Variants in MMP16 observed in about 807,000 individuals in gnomAD.
MMP16 encodes matrix metallopeptidase 16, also known as matrix metalloproteinase-16.
Under a neutral mutation model 67.8 loss-of-function variants are expected in MMP16, and 12 were observed. The observed-to-expected ratio is 0.18, with a 90% confidence interval of 0.11 to 0.29. The LOEUF (loss-of-function observed/expected upper bound fraction) is 0.29. MMP16 is among the 10% of genes least tolerant of loss of function. MMP16 has a pLI of 1.00. For synonymous variants in MMP16, 249 were observed against 255.9 expected, an observed-to-expected ratio of 0.97 and a Z score of 0.26; for missense variants, 475 against 765.7, an observed-to-expected ratio of 0.62 and a Z score of 4.48.
At position 88,300,422 on chromosome 8, in the gene MMP16, C is replaced by G. The variant is rs28986486; in HGVS notation, c.132+26653G>C. On this transcript the variant is annotated intron_variant, in intron 1 of 9. Coordinates refer to ENST00000286614, the MANE Select transcript of MMP16 (RefSeq NM_005941.5). The stretch of plus-strand genomic sequence containing the variant: ...ACAGCATGATGAAATCTCACGCCAT[C>G]CCACTCCATCAGCCCTGGACGTGAA... Among the ~76,000 whole-genome samples the G allele has an allele frequency of 2.2e-4, 34 of 152,300 alleles. 1 individual carries two copies. Among genetic ancestry groups the G allele is most frequent in the African/African-American group, 8.2e-4 (34 of 41,558 alleles).
chr8:88,313,861 A>G (rs1275758675), intron 1 of MMP16, among the ~76,000 whole-genome samples: 1 of 152,180 alleles, frequency 6.6e-6, no homozygotes, highest in African/African-American at 2.4e-5. Flanking sequence ...GAGCTTGTGC[A>G]GAGAAACTCC....
chr8:88,218,976 C>T (rs1236197906), intron 1 of MMP16, among the ~76,000 whole-genome samples: 1 of 152,012 alleles, frequency 6.6e-6, no homozygotes, highest in Admixed American at 6.6e-5. Context: ...GTCAACCATA[C>T]ACAAGGATCT....
rs534608996 is a variant in MMP16 at position 88,060,383 on chromosome 8, A to T, written c.1223-4105T>A. On this transcript the variant is annotated intron_variant, in intron 7 of 9. Coordinates refer to ENST00000286614, the MANE Select transcript of MMP16 (RefSeq NM_005941.5). ...TCTCCTTTTTATCTATCCTCCACAA[A>T]GTCAAGAAAGGGATTTCTTGAAAAT... Among the ~76,000 whole-genome samples, 27 of 152,140 alleles carry T rather than the reference A, an allele frequency of 1.8e-4. No homozygotes were observed. In the South Asian group the frequency reaches 5.4e-3, roughly 30 times the overall value.
At chr8:88,247,356 T>G (rs995699754) in intron 1 of MMP16, among the ~76,000 whole-genome samples, 3 of 152,162 alleles carry the variant, frequency 2.0e-5, no homozygotes, top group Non-Finnish European at 2.9e-5. Flanking sequence ...TGTAACTCTT[T>G]AAATAATACA....
Position 88,327,138 on chromosome 8 carries a change from C to G in MMP16, c.69G>C (p.Leu23Phe), listed in dbSNP as rs1272332781. The G allele has an allele frequency of 1.9e-6, 3 of 1,613,910 alleles. No individual in the cohort carries two copies. Among genetic ancestry groups the G allele is most frequent in the Non-Finnish European group, 2.5e-6 (3 of 1,179,988 alleles). ...DFVHHSGVFF[L>F]QTLLWILCAT... ...CACATAAAATCCAAAGCAAGGTTTG[C>G]AAGAAAAACACCCCCGAATGATGCA... The change falls in exon 1 of 10, where the codon TTG becomes TTC. Residue 23 changes from leucine to phenylalanine, a missense_variant. Leu to Phe is a conservative substitution (Grantham distance 22). This residue lies in a region of MMP16 where 170 missense variants were observed against 239.6 expected (regional missense o/e 0.71). Coordinates refer to ENST00000286614, the MANE Select transcript of MMP16 (RefSeq NM_005941.5).
intron 3 of MMP16, among the ~76,000 whole-genome samples, chr8:88,170,941 A>G (rs1808789807): frequency 6.6e-6 from 1 of 152,180 alleles, no homozygotes. Flanking sequence ...AGCCATGGAG[A>G]TATGAAGAAT....
At chr8:88,088,646 A>T (rs1808883814) in intron 6 of MMP16, among the ~76,000 whole-genome samples, 2 of 152,112 alleles carry the variant, frequency 1.3e-5, no homozygotes, top group African/African-American at 4.8e-5. Context: ...CTTTATGCTA[A>T]TATGCTCTTG....
At chr8:88,087,561 C>A (rs1032350738) in intron 6 of MMP16, among the ~76,000 whole-genome samples, 1 of 151,778 alleles carries the variant, frequency 6.6e-6, no homozygotes, top group Non-Finnish European at 1.5e-5. Flanking sequence ...CAGACATGTT[C>A]TTTCTCACCA....
intron 1 of MMP16, among the ~76,000 whole-genome samples, chr8:88,268,003 T>C (rs1429102325): frequency 6.6e-6 from 1 of 152,164 alleles, no homozygotes; most frequent in Non-Finnish European, 1.5e-5. Flanking sequence ...AAATAGAAGA[T>C]CCTACCAACT....
intron 4 of MMP16, among the ~76,000 whole-genome samples, chr8:88,164,248 A>T (rs1225811584): frequency 6.6e-6 from 1 of 152,110 alleles, no homozygotes; most frequent in Non-Finnish European, 1.5e-5. Flanking sequence ...AGCTCTGAAT[A>T]GAAGAGAAAG....
At chr8:88,115,150 G>A (rs1203040870) in intron 6 of MMP16, among the ~76,000 whole-genome samples, 1 of 151,964 alleles carries the variant, frequency 6.6e-6, no homozygotes, top group African/African-American at 2.4e-5. Flanking sequence ...TATTATTATG[G>A]TATCAAGGTA....
chr8:88,141,919 G>GTTTT (rs200516354), intron 4 of MMP16, among the ~76,000 whole-genome samples: 1 of 145,150 alleles, frequency 6.9e-6, no homozygotes, highest in Non-Finnish European at 1.5e-5. Flanking sequence ...ACATAAATAT[G>GTTTT]TTTTTTTTTT....
At chr8:88,128,208 C>T (rs761043408) in intron 4 of MMP16, among the ~76,000 whole-genome samples, 14 of 151,716 alleles carry the variant, frequency 9.2e-5, no homozygotes, top group Non-Finnish European at 1.8e-4. Context: ...GAATAATTAG[C>T]AAAACAATTA....
chr8:88,199,416 G>T (rs1809306024), intron 1 of MMP16, among the ~76,000 whole-genome samples: 1 of 151,840 alleles, frequency 6.6e-6, no homozygotes, highest in African/African-American at 2.4e-5. Context: ...CTGAAGAGTG[G>T]ATCATTATTT....
chr8:88,049,304 T>G (rs376873031), intron 8 of MMP16, among the ~76,000 whole-genome samples: 1 of 152,336 alleles, frequency 6.6e-6, no homozygotes, highest in East Asian at 1.9e-4. Context: ...ATGGAAACAT[T>G]TACTTTTAAA....
intron 4 of MMP16, among the ~76,000 whole-genome samples, chr8:88,158,365 T>C (rs1586180829): frequency 6.6e-6 from 1 of 152,226 alleles, no homozygotes; most frequent in African/African-American, 2.4e-5. Flanking sequence ...ATCGCCATTT[T>C]AAGTGGTGTG....
At chr8:88,131,860 T>C (rs1808036427) in intron 4 of MMP16, among the ~76,000 whole-genome samples, 1 of 151,888 alleles carries the variant, frequency 6.6e-6, no homozygotes, top group Admixed American at 6.6e-5. Flanking sequence ...TCTCTCATTG[T>C]TGAAAGTTTT....
intron 4 of MMP16, among the ~76,000 whole-genome samples, chr8:88,120,878 C>T (rs919309840): frequency 6.6e-6 from 1 of 151,902 alleles, no homozygotes; most frequent in South Asian, 2.1e-4. Flanking sequence ...ACTTCATCCC[C>T]TCCTCCTTGC....
chr8:88,264,143 CA>C (rs941887743), intron 1 of MMP16, among the ~76,000 whole-genome samples: 1 of 150,584 alleles, frequency 6.6e-6, no homozygotes, highest in African/African-American at 2.5e-5. Context: ...GGAAAGAAGT[CA>C]ATATGTATTT....
Sources: gnomAD v4.1 joint callset for allele counts (sites outside exome capture counted in the v4.1 genomes callset) on GRCh38, gnomAD v4.1.1 for gene constraint, gnomAD v4.1.1 regional missense constraint, MANE v1.5 for transcripts, NCBI Gene and HGNC (gene_info 2026-07-23, HGNC 2026-07-21) for gene names.